The following VAC14 variants were observed in gnomAD, a reference collection of about 807,000 sequenced individuals.
The protein encoded by VAC14 is protein VAC14 homolog.
A neutral mutation model predicts 85.3 loss-of-function variants in VAC14; 47 were observed. The ratio of observed to expected loss-of-function variants is 0.55; its 90% CI spans 0.44 to 0.70. The LOEUF (loss-of-function observed/expected upper bound fraction) is 0.70. Among genes scored for constraint, VAC14 ranks in the 30% least tolerant of loss-of-function variants. The pLI is 0.00. For synonymous variants in VAC14, 447 were observed against 430.5 expected (o/e 1.04, Z -0.47); for missense variants, 861 against 1,004.3 (o/e 0.86, Z 1.93).
intron 13 of VAC14, among the ~76,000 whole-genome samples, chr16:70,738,253 G>T (rs955190125): frequency 1.3e-5 from 2 of 152,174 alleles, no homozygotes; most frequent in Non-Finnish European, 2.9e-5. Flanking sequence ...AGAACTGGAG[G>T]GGGTGCACAG....
At chr16:70,695,420 C>T in intron 17 of VAC14, 124 bp downstream of exon 17, 1 of 940,084 alleles carries the variant, frequency 1.1e-6, no homozygotes, top group African/African-American at 1.6e-5. Flanking sequence ...CAGAAGCTTC[C>T]CTGGGGTGAC....
intron 14 of VAC14, among the ~76,000 whole-genome samples, chr16:70,713,217 T>C (rs971868571): frequency 6.6e-6 from 1 of 152,098 alleles, no homozygotes; most frequent in African/African-American, 2.4e-5. Flanking sequence ...TCTCCTAAAA[T>C]AGAATCGCCA....
chr16:70,752,407 A>T (rs141009058), intron 12 of VAC14, among the ~76,000 whole-genome samples: 16 of 152,262 alleles, frequency 1.1e-4, no homozygotes, highest in Non-Finnish European at 2.2e-4. Context: ...CACCCATTCC[A>T]AGGTCTCCCC....
chr16:70,710,534 C>T lies in VAC14; in HGVS notation c.1662-11723G>A, dbSNP rs1047244624. ...CTCCGGCCCCAACAATGTCTGGCGA[C>T]GCCCCTTGCCCGTGTTCTGATCACC... On this transcript the variant is annotated intron_variant, in intron 14 of 18. Coordinates refer to ENST00000261776, the MANE Select transcript of VAC14 (RefSeq NM_018052.5). Among the ~76,000 whole-genome samples the T allele has an allele frequency of 7.9e-5, 12 of 152,356 alleles. No individual in the cohort carries two copies. The South Asian group carries it at 2.1e-3, about 26-fold the overall frequency.
Position 70,695,594 on chromosome 16 carries a change from A to T in VAC14, c.1985T>A (p.Leu662His). ...FGDLEVTVDF[L>H]AEVDKLVQLI... is the part of the protein sequence containing the mutation. ...CTGCACCAGCTTGTCCACCTCTGCG[A>T]GGAAGTCCACGGTGACCTCCAGGTC... The change falls in exon 17 of 19, where the codon CTC becomes CAC. Residue 662 changes from leucine to histidine, a missense_variant. Transcript: ENST00000261776. The T allele has an allele frequency of 2.5e-6, 4 of 1,613,882 alleles. No homozygotes were observed. The highest frequency in any genetic ancestry group is 3.4e-6 in the Non-Finnish European group (4 of 1,179,946).
intron 18 of VAC14, chr16:70,689,253 T>G: frequency 1.0e-6 from 1 of 985,462 alleles, no homozygotes; most frequent in East Asian, 1.1e-4. Context: ...GTGTAAGAGC[T>G]TCACCTGGTA....
At chr16:70,730,937 A>G (rs2143001920) in intron 14 of VAC14, among the ~76,000 whole-genome samples, 1 of 152,300 alleles carries the variant, frequency 6.6e-6, no homozygotes, top group Non-Finnish European at 1.5e-5. Context: ...CACCAGGTTG[A>G]GGGTGACACT....
intron 10 of VAC14, among the ~76,000 whole-genome samples, chr16:70,767,219 T>C (rs929824555): frequency 6.6e-6 from 1 of 152,220 alleles, no homozygotes; most frequent in Non-Finnish European, 1.5e-5. Flanking sequence ...TACTGAATAA[T>C]GCTTCTGATA....
At chr16:70,708,482 G>T in intron 14 of VAC14, among the ~76,000 whole-genome samples, 1 of 152,086 alleles carries the variant, frequency 6.6e-6, no homozygotes, top group East Asian at 1.9e-4. Context: ...AGGGTTCTTG[G>T]CGGGTGTCTG....
At position 70,762,915 on chromosome 16, in the gene VAC14, C is replaced by A. The variant is rs762388639; in HGVS notation, c.1271G>T (p.Trp424Leu). ...GMMTRIAVLK[W>L]LYHLYIKTPR... ...AGTTTTGATGTAGAGGTGGTAGAGC[C>A]ACTTGAGAACTGCAATCCTGGTCAT... Residue 424 changes from tryptophan (W) to leucine (L), a missense_variant, in exon 11 of 19, where the codon TGG (tryptophan) becomes TTG (leucine). This residue lies in a region of VAC14 where 629 missense variants were observed against 703.1 expected (regional missense o/e 0.89). Transcript: ENST00000261776. This position sits in a 1 kb window ranked among gnomAD's most constrained non-coding sequence, Gnocchi z 4.1. The A allele has an allele frequency of 3.1e-6, 5 of 1,614,102 alleles. No homozygotes were observed. Among genetic ancestry groups the A allele is most frequent in the Non-Finnish European group, 4.2e-6 (5 of 1,180,054 alleles).
Position 70,784,140 on chromosome 16 carries a change from C to A in VAC14, c.567G>T (p.Gln189His), listed in dbSNP as rs140174727. 38 of 1,614,096 alleles carry A rather than the reference C, an allele frequency of 2.4e-5. No homozygotes were observed. The highest frequency in any genetic ancestry group is 6.7e-5 in the African/African-American group (5 of 74,922). The change falls in exon 5 of 19, where the codon CAG (glutamine) becomes CAT (histidine). Residue 189 changes from glutamine (Q) to histidine (H), a missense_variant. Gln to His is a conservative substitution (Grantham distance 24). Coordinates refer to ENST00000261776, the MANE Select transcript of VAC14 (RefSeq NM_018052.5). ...LLRERIYSNN[Q>H]YARQFIISWI... ...AGGAGATGATGAACTGCCGGGCATA[C>A]TGGTTGTTGGAGTAAATCCTCTCTC... is the stretch of plus-strand genomic sequence containing the variant.
chr16:70,744,591 A>C lies in VAC14; in HGVS notation c.1372-12T>G. 1 of 1,583,122 alleles carries C rather than the reference A, an allele frequency of 6.3e-7. No homozygotes were observed. On this transcript the variant is annotated splice_polypyrimidine_tract_variant and intron_variant, in intron 12 of 18. Coordinates refer to ENST00000261776, the MANE Select transcript of VAC14 (RefSeq NM_018052.5). The stretch of plus-strand genomic sequence containing the variant: ...TCCTTCAGGATCACCTGGGGAGAGA[A>C]GCGGGGCAGGAGGGATGAGCTCTCC...
intron 9 of VAC14, among the ~76,000 whole-genome samples, chr16:70,776,328 T>A (rs2033516172): frequency 6.6e-6 from 1 of 152,208 alleles, no homozygotes; most frequent in Non-Finnish European, 1.5e-5. Flanking sequence ...CAGGCTGGTC[T>A]CAAACTCCTG....
intron 13 of VAC14, among the ~76,000 whole-genome samples, chr16:70,732,899 T>A (rs2054634803): frequency 6.6e-6 from 1 of 152,182 alleles, no homozygotes; most frequent in Admixed American, 6.5e-5. Context: ...TCCACCTGCC[T>A]TGGCCTCCCA....
chr16:70,695,723 G>A (rs1168550797), intron 16 of VAC14, 100 bp from the exon 17 acceptor site: 1 of 1,147,004 alleles, frequency 8.7e-7, no homozygotes, highest in East Asian at 2.4e-5. Flanking sequence ...CCTGTGCACA[G>A]AGCCTGGTTG....
intron 13 of VAC14, among the ~76,000 whole-genome samples, chr16:70,734,056 T>C (rs2054675008): frequency 6.6e-6 from 1 of 152,176 alleles, no homozygotes; most frequent in Admixed American, 6.5e-5. Flanking sequence ...TCTCCTGATC[T>C]CGTGATCTGC....
chr16:70,800,142 T>C (rs1266857865), intron 1 of VAC14, among the ~76,000 whole-genome samples: 3 of 151,916 alleles, frequency 2.0e-5, no homozygotes, highest in African/African-American at 7.3e-5. Flanking sequence ...AAAAAATAAA[T>C]AAAACATCCC....
In VAC14 at chr16:70,688,198, C is replaced by T. The variant is rs1440089301; in HGVS notation, c.2187-108G>A. The T allele has an allele frequency of 4.5e-6, 6 of 1,348,204 alleles. No homozygotes were observed. The African/African-American group carries it at 7.5e-5, about 17-fold the overall frequency. 83.5% of individuals were successfully genotyped at this position (1,348,204 alleles called of 1,614,324 possible). ...AGAGCCACAGGCTGGTGGGCTCGGC[C>T]TGTGGGCGTCTGTCTCAGGCCTGGC... On this transcript the variant is annotated intron_variant, in intron 18 of 18. Transcript: ENST00000261776.
chr16:70,691,526 C>T (rs185843892), intron 18 of VAC14: 40 of 985,466 alleles, frequency 4.1e-5, no homozygotes, highest in Middle Eastern at 5.2e-4. Context: ...CATGCGCCCC[C>T]GCTCCATGGC....
Sources: allele counts gnomAD v4.1 joint callset (sites outside exome capture counted in the v4.1 genomes callset), GRCh38; gene constraint gnomAD v4.1.1; regional missense constraint gnomAD v4.1.1; non-coding constraint Gnocchi (gnomAD v3.1); transcripts MANE v1.5; gene names NCBI Gene and HGNC (gene_info 2026-07-23, HGNC 2026-07-21).